NCOA6: variants seen among roughly 807,000 people sequenced by gnomAD.
The protein encoded by NCOA6 is NRC RAP250.
A neutral mutation model predicts 171.4 loss-of-function variants in NCOA6; 49 were observed. That is an observed-to-expected ratio of 0.29 (90% CI 0.23 to 0.36). The LOEUF (loss-of-function observed/expected upper bound fraction) is 0.36, where lower values mean the gene tolerates loss of function less well. Ranked by LOEUF, NCOA6 falls within the 10% of genes least tolerant of loss-of-function variation. NCOA6 has a pLI of 1.00. For missense variants in NCOA6, 2,248 were observed against 2,554.5 expected, an observed-to-expected ratio of 0.88 and a Z score of 2.59; for synonymous variants, 910 against 927.5, an observed-to-expected ratio of 0.98 and a Z score of 0.34.
At chr20:34,779,382 C>T (rs909209695) in intron 3 of NCOA6, among the ~76,000 whole-genome samples, 3 of 152,056 alleles carry the variant, frequency 2.0e-5, no homozygotes, top group African/African-American at 4.8e-5. Context: ...GGTGCAGTGG[C>T]GTGCGCCTGT....
chr20:34,823,756 G>A (rs749898275), intron 1 of NCOA6, among the ~76,000 whole-genome samples: 4 of 151,762 alleles, frequency 2.6e-5, no homozygotes, highest in Non-Finnish European at 4.4e-5. Context: ...GGAATGTCAT[G>A]GAATGACCAT....
chr20:34,746,788 C>T lies in NCOA6; in HGVS notation c.2914+19G>A. On this transcript the variant is annotated intron_variant, in intron 10 of 14. Transcript: ENST00000359003. ...CATGCACATGTAATAAGTATATAAT[C>T]TAGCTAACATTTTATCACCTGGTGG... 1 of 1,599,710 alleles carries T rather than the reference C, an allele frequency of 6.3e-7. No individual in the cohort carries two copies. Among genetic ancestry groups the T allele is most frequent in the Non-Finnish European group, 8.5e-7 (1 of 1,170,346 alleles).
intron 5 of NCOA6, among the ~76,000 whole-genome samples, chr20:34,762,068 T>C (rs2076835218): frequency 6.6e-6 from 1 of 152,250 alleles, no homozygotes; most frequent in South Asian, 2.1e-4. Flanking sequence ...CAGAGGTGTA[T>C]TAAATCTCCC....
At position 34,733,770 on chromosome 20, in the gene NCOA6, T is replaced by A. The variant is rs992282040; in HGVS notation, c.5963-1175A>T. Among the ~76,000 whole-genome samples, 2 of 141,990 alleles carry A rather than the reference T, an allele frequency of 1.4e-5. 1 individual carries two copies. The highest frequency in any genetic ancestry group is 4.2e-4 in the East Asian group (2 of 4,794). 93.2% of individuals were successfully genotyped at this position (141,990 alleles called of 152,430 possible). A position where few individuals can be genotyped will look rare whatever the true frequency, so the allele number is the denominator to read the frequency against. ...GGGAGGCTGAGGCAGAGGAATCCCT[T>A]GAACCCAGGAGGCAGAGACTTCAGT... On this transcript the variant is annotated intron_variant, in intron 12 of 14. Coordinates refer to ENST00000359003, the MANE Select transcript of NCOA6 (RefSeq NM_014071.5).
intron 5 of NCOA6, among the ~76,000 whole-genome samples, chr20:34,765,104 G>A (rs2076937514): frequency 6.7e-6 from 1 of 150,258 alleles, no homozygotes; most frequent in Non-Finnish European, 1.5e-5. Context: ...CTGGGTGATG[G>A]AGTGAGACTG....
At chr20:34,732,883 C>G (rs1215825393) in intron 12 of NCOA6, 1 of 258,464 alleles carries the variant, frequency 3.9e-6, no homozygotes, top group Non-Finnish European at 7.4e-6. Context: ...CAGTTACAAC[C>G]AGGTTAGCAA....
intron 3 of NCOA6, among the ~76,000 whole-genome samples, chr20:34,780,567 C>T (rs1249247624): frequency 1.3e-5 from 2 of 152,078 alleles, no homozygotes; most frequent in African/African-American, 4.8e-5. Context: ...CCGGGCTTGT[C>T]TCAAACTCCT....
chr20:34,724,216 C>T (rs1053199907), intron 14 of NCOA6, among the ~76,000 whole-genome samples: 1 of 152,212 alleles, frequency 6.6e-6, no homozygotes, highest in African/African-American at 2.4e-5. Flanking sequence ...GTGGTGTATA[C>T]ACTATTCCTG....
intron 14 of NCOA6, among the ~76,000 whole-genome samples, chr20:34,726,622 T>G (rs1311776653): frequency 6.6e-6 from 1 of 152,020 alleles, no homozygotes; most frequent in Non-Finnish European, 1.5e-5. Context: ...CTGTCTCTAC[T>G]AAAAATAGAA....
chr20:34,767,786 G>GA (rs2077025858), intron 5 of NCOA6, among the ~76,000 whole-genome samples: 1 of 152,156 alleles, frequency 6.6e-6, no homozygotes, highest in African/African-American at 2.4e-5. Context: ...CTAGTGCAGT[G>GA]AAAAAAGCAC....
At chr20:34,810,550 CTT>C (rs1201000875) in intron 1 of NCOA6, among the ~76,000 whole-genome samples, 1 of 143,386 alleles carries the variant, frequency 7.0e-6, no homozygotes. Context: ...CATTTTTTTT[CTT>C]TTTTTTTTTT....
chr20:34,768,621 T>C (rs370279167), intron 4 of NCOA6, 35 bp from the exon 5 acceptor site: 23 of 1,608,296 alleles, frequency 1.4e-5, no homozygotes, highest in Non-Finnish European at 1.9e-5. Context: ...AGGAAATCAT[T>C]AGAATAAAAT....
intron 8 of NCOA6, among the ~76,000 whole-genome samples, chr20:34,751,380 A>C (rs1347492488): frequency 1.7e-5 from 1 of 59,728 alleles, no homozygotes; most frequent in African/African-American, 4.5e-5. Context: ...CCGTCTCAAA[A>C]AAAAAAAAAA....
At chr20:34,786,523 T>C (rs2077686477) in intron 2 of NCOA6, among the ~76,000 whole-genome samples, 1 of 152,202 alleles carries the variant, frequency 6.6e-6, no homozygotes, top group Non-Finnish European at 1.5e-5. Context: ...TTTAACACTG[T>C]CCCAGAGATT....
intron 8 of NCOA6, among the ~76,000 whole-genome samples, chr20:34,753,527 G>A (rs1333669970): frequency 6.6e-6 from 1 of 151,896 alleles, no homozygotes; most frequent in Non-Finnish European, 1.5e-5. Flanking sequence ...CAGGCATGGT[G>A]GCGGGCACCT....
Position 34,741,306 on chromosome 20 carries a change from A to G in NCOA6, c.4950T>C (p.Asn1650=). 1 of 1,614,222 alleles carries G rather than the reference A, an allele frequency of 6.2e-7. No individual in the cohort carries two copies. Among genetic ancestry groups the G allele is most frequent in the Non-Finnish European group, 8.5e-7 (1 of 1,180,044 alleles). The change falls in exon 11 of 15, where the codon AAT becomes AAC. Residue 1650 remains asparagine (N), a synonymous_variant. Coordinates refer to ENST00000359003, the MANE Select transcript of NCOA6 (RefSeq NM_014071.5). ...CAGGTGTAATGAACTGAGGCCGGGC[A>G]TTAGACTGAGCAGCTGACTGTCCCT... The part of the protein sequence containing the change: ...VSEGQSAAQS[N]ARPQFITPVF...
At chr20:34,800,351 G>A (rs1223617839) in intron 1 of NCOA6, among the ~76,000 whole-genome samples, 4 of 152,048 alleles carry the variant, frequency 2.6e-5, no homozygotes, top group Admixed American at 1.3e-4. Context: ...ATAACAAAAC[G>A]GCAGGAATAA....
intron 4 of NCOA6, among the ~76,000 whole-genome samples, chr20:34,770,938 C>G (rs1034335938): frequency 6.6e-6 from 1 of 151,982 alleles, no homozygotes; most frequent in African/African-American, 2.4e-5. Flanking sequence ...CCAGGCCAAA[C>G]TTCTTAGCCT....
intron 4 of NCOA6, among the ~76,000 whole-genome samples, chr20:34,774,947 G>C (rs1013837419): frequency 6.6e-6 from 1 of 152,218 alleles, no homozygotes; most frequent in Non-Finnish European, 1.5e-5. Context: ...ACTTTTGTGA[G>C]AGCACATAGC....
Sources: gnomAD v4.1 joint callset for allele counts (sites outside exome capture counted in the v4.1 genomes callset) on GRCh38, gnomAD v4.1.1 for gene constraint, MANE v1.5 for transcripts, NCBI Gene and HGNC (gene_info 2026-07-23, HGNC 2026-07-21) for gene names.